RGS7: variants seen among roughly 807,000 people sequenced by gnomAD.
RGS7 encodes the protein regulator of G-protein signaling 7.
A neutral mutation model predicts 81.1 loss-of-function variants in RGS7; 27 were observed. The ratio of observed to expected loss-of-function variants is 0.33; its 90% CI spans 0.25 to 0.46. The LOEUF is 0.46. Among genes scored for constraint, RGS7 ranks in the 20% least tolerant of loss-of-function variants. RGS7 has a pLI of 1.00. For missense variants in RGS7, 396 were observed against 607.4 expected (o/e 0.65, Z 3.66); for synonymous variants, 208 against 207.7 (o/e 1.00, Z -0.01).
intron 6 of RGS7, among the ~76,000 whole-genome samples, chr1:240,917,209 CTG>C (rs950673576): frequency 4.2e-4 from 64 of 152,176 alleles, no homozygotes; most frequent in Non-Finnish European, 1.0e-4. Context: ...AAAACAAAAA[CTG>C]AGAGAATTTG....
intron 9 of RGS7, among the ~76,000 whole-genome samples, chr1:240,829,230 A>G (rs1693382192): frequency 6.6e-6 from 1 of 152,170 alleles, no homozygotes; most frequent in African/African-American, 2.4e-5. Flanking sequence ...TTTGGTTTGC[A>G]TATCTATTTA....
intron 3 of RGS7, among the ~76,000 whole-genome samples, chr1:241,000,947 G>A (rs769169304): frequency 4.0e-5 from 6 of 151,446 alleles, no homozygotes; most frequent in African/African-American, 7.3e-5. Context: ...GTGAGCCACC[G>A]TGCCTGACTA....
At chr1:241,049,838 C>T (rs1045832187) in intron 3 of RGS7, among the ~76,000 whole-genome samples, 16 of 152,090 alleles carry the variant, frequency 1.1e-4, no homozygotes, top group East Asian at 1.9e-4. Flanking sequence ...TTGGGACAGA[C>T]GCATGAAATC....
At chr1:241,125,978 T>C (rs1195933036) in intron 2 of RGS7, among the ~76,000 whole-genome samples, 2 of 152,052 alleles carry the variant, frequency 1.3e-5, no homozygotes, top group Non-Finnish European at 2.9e-5. Flanking sequence ...ACTCCCAAGG[T>C]TGCCCACAGG....
chr1:241,144,342 G>A lies in RGS7; in HGVS notation c.79-45580C>T, dbSNP rs1007479910. Among the ~76,000 whole-genome samples the A allele has an allele frequency of 2.0e-5, 3 of 152,136 alleles. No individual in the cohort carries two copies. Among genetic ancestry groups the A allele is most frequent in the Non-Finnish European group, 4.4e-5 (3 of 68,022 alleles). ...CACACACACATGTGGATACGCACAG[G>A]CACACACATCCAAATACACTGCAGG... On this transcript the variant is annotated intron_variant, in intron 2 of 18. Transcript: ENST00000440928. The surrounding 1 kb of genome is among the most constrained non-coding windows in gnomAD (Gnocchi z 4.7).
Position 241,046,295 on chromosome 1 carries a change from AG to A in RGS7, c.175+52370del, listed in dbSNP as rs547467291. On this transcript the variant is annotated intron_variant, in intron 3 of 18. Coordinates refer to ENST00000440928, the MANE Select transcript of RGS7 (RefSeq NM_001364886.1). The stretch of plus-strand genomic sequence containing the variant: ...CACAATACCTAATGGGTAGTTTTTC[AG>A]CCCTGACCCCCCCCCCCTTTTCTAG... 3.6e-3 allele frequency among the ~76,000 whole-genome samples: 188 copies of A among 51,782 alleles called. 1 individual carries two copies. Among genetic ancestry groups the A allele is most frequent in the South Asian group, 7.8e-3 (7 of 898 alleles). The allele number at this position is 51,782 out of a possible 152,430, so 34.0% of individuals were successfully genotyped here. A position where few individuals can be genotyped will look rare whatever the true frequency, so the allele number is the denominator to read the frequency against.
intron 2 of RGS7, among the ~76,000 whole-genome samples, chr1:241,204,149 G>A (rs529112451): frequency 4.6e-5 from 7 of 152,334 alleles, no homozygotes; most frequent in Admixed American, 3.9e-4. Context: ...ACACAGGTGT[G>A]TATAGAGAAG....
At position 241,098,834 on chromosome 1, in the gene RGS7, A is replaced by C. The variant is rs746815996; in HGVS notation, c.79-72T>G. 84 of 1,075,366 alleles carry C rather than the reference A, an allele frequency of 7.8e-5. 2 individuals carry two copies. The highest frequency in any genetic ancestry group is 1.1e-4 in the Non-Finnish European group (80 of 715,294). The allele number at this position is 1,075,366 out of a possible 1,614,324, so 66.6% of individuals were successfully genotyped here. A position where few individuals can be genotyped will look rare whatever the true frequency, so the allele number is the denominator to read the frequency against. On this transcript the variant is annotated intron_variant, in intron 2 of 18. Coordinates refer to ENST00000440928, the MANE Select transcript of RGS7 (RefSeq NM_001364886.1). ...TTGAAAAAAAATCAGCTCTCATAAC[A>C]ATTTTGTATTCCTGTTTTGCCCAAC... is the stretch of plus-strand genomic sequence containing the variant.
chr1:240,966,483 CT>C (rs2148492226), intron 4 of RGS7, among the ~76,000 whole-genome samples: 1 of 152,036 alleles, frequency 6.6e-6, no homozygotes, highest in African/African-American at 2.4e-5. Context: ...TTGTTATGGC[CT>C]TGCTGTTCCT....
chr1:240,873,956 C>T (rs1036886589), intron 6 of RGS7, among the ~76,000 whole-genome samples: 4 of 152,036 alleles, frequency 2.6e-5, no homozygotes, highest in African/African-American at 9.7e-5. Context: ...TTTGTACAAT[C>T]TTCCTTCTCA....
chr1:241,102,617 T>C (rs1227526314), intron 2 of RGS7, among the ~76,000 whole-genome samples: 1 of 152,220 alleles, frequency 6.6e-6, no homozygotes, highest in Non-Finnish European at 1.5e-5. Flanking sequence ...CCTTATCTTA[T>C]GTAAAAAGTA....
chr1:240,823,778 T>C (rs571126390), intron 10 of RGS7, among the ~76,000 whole-genome samples: 128 of 152,216 alleles, frequency 8.4e-4, no homozygotes, highest in African/African-American at 2.8e-3. Context: ...TGGGAGTCAA[T>C]GCCTTAATAT....
At chr1:241,134,287 T>C (rs887538623) in intron 2 of RGS7, among the ~76,000 whole-genome samples, 1 of 152,150 alleles carries the variant, frequency 6.6e-6, no homozygotes, top group African/African-American at 2.4e-5. Flanking sequence ...CCAAATTATA[T>C]GGAAACCAAG....
chr1:240,870,234 A>G (rs1664241689), intron 6 of RGS7, 115 bp from the exon 7 acceptor site: 1 of 869,740 alleles, frequency 1.1e-6, no homozygotes, highest in South Asian at 1.4e-5. Context: ...GTAATTTTTG[A>G]TCATTTTCTT....
chr1:241,196,856 C>T (rs2073111578), intron 2 of RGS7, among the ~76,000 whole-genome samples: 5 of 151,678 alleles, frequency 3.3e-5, no homozygotes, highest in Admixed American at 3.3e-4. Context: ...TTATGTTAGA[C>T]TTGAATTTCA....
At chr1:241,291,589 C>CTTTTTTTTTTTTTTTTTT (rs1237514486) in intron 2 of RGS7, among the ~76,000 whole-genome samples, 1 of 40,802 alleles carries the variant, frequency 2.5e-5, no homozygotes. Context: ...TTTTTTTTTG[C>CTTTTTTTTTTTTTTTTTT]TTTTTTGAGA....
chr1:241,097,231 G>A (rs1188294299), intron 3 of RGS7, among the ~76,000 whole-genome samples: 2 of 151,964 alleles, frequency 1.3e-5, no homozygotes, highest in East Asian at 2.0e-4. Flanking sequence ...TAAGTGGGAC[G>A]GTGAGGAGAG....
intron 2 of RGS7, among the ~76,000 whole-genome samples, chr1:241,216,177 C>A (rs2074543041): frequency 6.6e-6 from 1 of 152,036 alleles, no homozygotes. Flanking sequence ...GAGGCTGAGG[C>A]AGGGGAACAG....
intron 3 of RGS7, among the ~76,000 whole-genome samples, chr1:241,043,087 A>G (rs1434426336): frequency 6.6e-6 from 1 of 152,180 alleles, no homozygotes. Flanking sequence ...GTTTGCTCAA[A>G]TGACTTTAAT....
Sources: gnomAD v4.1 joint callset for allele counts (sites outside exome capture counted in the v4.1 genomes callset) on GRCh38, gnomAD v4.1.1 for gene constraint, Gnocchi (gnomAD v3.1) non-coding constraint, MANE v1.5 for transcripts, NCBI Gene and HGNC (gene_info 2026-07-23, HGNC 2026-07-21) for gene names.